LEF1: variants seen among roughly 807,000 people sequenced by gnomAD.
LEF1 encodes the protein lymphoid enhancer-binding factor 1.
In LEF1, 14 loss-of-function variants were observed where a neutral mutation model predicts 51.2. The ratio of observed to expected loss-of-function variants is 0.27; its 90% CI spans 0.18 to 0.43. The LOEUF (loss-of-function observed/expected upper bound fraction) is 0.43. Ranked by LOEUF, LEF1 falls within the 20% of genes least tolerant of loss-of-function variation. The pLI is 1.00. For missense variants in LEF1, 386 were observed against 512.0 expected (o/e 0.75, Z 2.37); for synonymous variants, 185 against 183.2 (o/e 1.01, Z -0.08).
chr4:108,129,061 A>C (rs4956159), intron 3 of LEF1, among the ~76,000 whole-genome samples: 132,813 of 152,162 alleles, frequency 0.87, 58,479 homozygotes, highest in East Asian at 0.96. Flanking sequence ...CCTCCTTTCC[A>C]ACCACTCAAA....
chr4:108,066,705 A>T (rs1738103680), intron 9 of LEF1, among the ~76,000 whole-genome samples: 1 of 152,230 alleles, frequency 6.6e-6, no homozygotes, highest in Admixed American at 6.5e-5. Context: ...GGATGTATTA[A>T]TGTCAAGTTA....
chr4:108,085,903 A>G (rs1285594331), intron 4 of LEF1, among the ~76,000 whole-genome samples: 1 of 152,204 alleles, frequency 6.6e-6, no homozygotes, highest in Non-Finnish European at 1.5e-5. Context: ...TACTGCTTGG[A>G]GAAAAAGATC....
chr4:108,125,784 A>G (rs1193014837), intron 3 of LEF1, among the ~76,000 whole-genome samples: 1 of 151,922 alleles, frequency 6.6e-6, no homozygotes, highest in East Asian at 1.9e-4. Context: ...CAACTGACCC[A>G]CAACAGTTTA....
chr4:108,065,176 T>C (rs1737983188), intron 9 of LEF1, among the ~76,000 whole-genome samples: 1 of 152,198 alleles, frequency 6.6e-6, no homozygotes, highest in Non-Finnish European at 1.5e-5. Flanking sequence ...TTTTCCTTCA[T>C]AACTACTTTG....
At chr4:108,148,276 TAA>T (rs754263393) in intron 3 of LEF1, among the ~76,000 whole-genome samples, 2 of 41,654 alleles carry the variant, frequency 4.8e-5, no homozygotes, top group African/African-American at 9.3e-5. Context: ...GCTCTTTTAA[TAA>T]AAAAAAAAAA....
chr4:108,089,265 G>A lies in LEF1; in HGVS notation c.415-8C>T, dbSNP rs1364161345. 1 of 1,613,022 alleles carries A rather than the reference G, an allele frequency of 6.2e-7. No homozygotes were observed. Among genetic ancestry groups the A allele is most frequent in the South Asian group, 1.1e-5 (1 of 90,976 alleles). On this transcript the variant is annotated splice_region_variant and splice_polypyrimidine_tract_variant and intron_variant, in intron 3 of 11. Transcript: ENST00000265165. The stretch of plus-strand genomic sequence containing the variant: ...CACGGGCACTTTATTTGACTGCAAA[G>A]TAACCACAAGGTCAATAGTTAATAT...
chr4:108,133,948 T>C (rs959335291), intron 3 of LEF1, among the ~76,000 whole-genome samples: 6 of 152,176 alleles, frequency 3.9e-5, no homozygotes. Context: ...CTGAAATCCT[T>C]GGGGCTGCAC....
intron 11 of LEF1, among the ~76,000 whole-genome samples, chr4:108,052,549 G>A (rs978284185): frequency 3.9e-5 from 6 of 152,192 alleles, no homozygotes; most frequent in African/African-American, 1.2e-4. Flanking sequence ...AAAAGCCTGT[G>A]ATTTGAGGGT....
intron 3 of LEF1, among the ~76,000 whole-genome samples, chr4:108,156,459 C>T (rs901326318): frequency 2.6e-5 from 4 of 152,196 alleles, no homozygotes; most frequent in African/African-American, 7.2e-5. Flanking sequence ...TTACTTTTCA[C>T]GTAGCATTTG....
chr4:108,107,550 T>TA lies in LEF1; in HGVS notation c.415-18294dup, dbSNP rs556664249. 4.3e-3 allele frequency among the ~76,000 whole-genome samples: 629 copies of TA among 147,742 alleles called. 3 individuals are homozygous for TA. The highest frequency in any genetic ancestry group is 0.012 in the African/African-American group (505 of 40,562). On this transcript the variant is annotated intron_variant, in intron 3 of 11. Transcript: ENST00000265165. The stretch of plus-strand genomic sequence containing the variant: ...TGGTGGTGCTACTTGAGCTGTCTTG[T>TA]AAAAAAAAAAATTGTATACTTTGAA...
chr4:108,050,509 A>G (rs1372103082), intron 11 of LEF1, among the ~76,000 whole-genome samples: 1 of 152,102 alleles, frequency 6.6e-6, no homozygotes, highest in Non-Finnish European at 1.5e-5. Context: ...GCTACGAAGG[A>G]CCCTGCCTTT....
At chr4:108,097,896 C>A (rs1210698382) in intron 3 of LEF1, among the ~76,000 whole-genome samples, 1 of 152,070 alleles carries the variant, frequency 6.6e-6, no homozygotes, top group Non-Finnish European at 1.5e-5. Context: ...GTAAACAAAT[C>A]AATTAAAGTG....
At chr4:108,134,005 T>C (rs1417276625) in intron 3 of LEF1, among the ~76,000 whole-genome samples, 1 of 152,202 alleles carries the variant, frequency 6.6e-6, no homozygotes, top group Admixed American at 6.5e-5. Context: ...ACACATACTG[T>C]GTGTTTTATA....
At chr4:108,078,076 T>C (rs965067023) in intron 8 of LEF1, 144 bp downstream of exon 8, 1 of 801,976 alleles carries the variant, frequency 1.2e-6, no homozygotes, top group Non-Finnish European at 2.0e-6. Context: ...AAAACAGTTA[T>C]CAAAATTCTT....
chr4:108,165,315 T>C, intron 1 of LEF1, 152 bp from the exon 2 acceptor site: 3 of 644,198 alleles, frequency 4.7e-6, no homozygotes, highest in Non-Finnish European at 5.5e-6. Context: ...TAGTGTTTAG[T>C]ACTGCATAAT....
intron 2 of LEF1, 99 bp from the exon 3 acceptor site, chr4:108,163,800 C>A: frequency 8.1e-7 from 1 of 1,241,416 alleles, no homozygotes; most frequent in Non-Finnish European, 1.1e-6. Context: ...TAAATCAGAC[C>A]CTACATAAAA....
intron 9 of LEF1, among the ~76,000 whole-genome samples, chr4:108,068,028 G>C (rs1169903854): frequency 1.3e-5 from 2 of 151,960 alleles, no homozygotes; most frequent in African/African-American, 4.8e-5. Context: ...AGCACTTTGA[G>C]AGGCTGAGGC....
At chr4:108,092,153 T>G (rs933560529) in intron 3 of LEF1, among the ~76,000 whole-genome samples, 8 of 152,168 alleles carry the variant, frequency 5.3e-5, no homozygotes, top group African/African-American at 2.4e-5. Context: ...TCCTCTTAAT[T>G]TTACGGTTTT....
chr4:108,115,386 T>C (rs936381308), intron 3 of LEF1, among the ~76,000 whole-genome samples: 2 of 152,232 alleles, frequency 1.3e-5, no homozygotes, highest in African/African-American at 4.8e-5. Context: ...GTCATTCTTC[T>C]GCTATGTAAC....
Sources: allele counts gnomAD v4.1 joint callset (sites outside exome capture counted in the v4.1 genomes callset), GRCh38; gene constraint gnomAD v4.1.1; transcripts MANE v1.5; gene names NCBI Gene and HGNC (gene_info 2026-07-23, HGNC 2026-07-21).